Variants in FAM219A observed in about 807,000 individuals in gnomAD.
FAM219A encodes family with sequence similarity 219 member A, also known as protein FAM219A.
Under a neutral mutation model 23.4 loss-of-function variants are expected in FAM219A, and 7 were observed. That is an observed-to-expected ratio of 0.30 (90% CI 0.17 to 0.56). The LOEUF (loss-of-function observed/expected upper bound fraction) is 0.56, where lower values mean the gene tolerates loss of function less well. Among genes scored for constraint, FAM219A ranks in the 20% least tolerant of loss-of-function variants. The pLI is 0.92. For missense variants in FAM219A, 166 were observed against 246.9 expected (o/e 0.67, Z 2.20); for synonymous variants, 93 against 99.0 (o/e 0.94, Z 0.36).
intron 1 of FAM219A, among the ~76,000 whole-genome samples, chr9:34,440,638 C>G (rs1823132842): frequency 6.6e-6 from 1 of 151,878 alleles, no homozygotes; most frequent in South Asian, 2.1e-4. Context: ...ATCACGAGGT[C>G]AGGAGATCGA....
chr9:34,454,164 G>A (rs971972796), intron 1 of FAM219A, among the ~76,000 whole-genome samples: 1 of 152,236 alleles, frequency 6.6e-6, no homozygotes, highest in Admixed American at 6.5e-5. Context: ...GAGGCCAAGT[G>A]CGGTGGCTCA....
chr9:34,424,189 CA>C (rs1765548122), intron 1 of FAM219A, among the ~76,000 whole-genome samples: 1 of 151,992 alleles, frequency 6.6e-6, no homozygotes, highest in Non-Finnish European at 1.5e-5. Context: ...TCTTGTATGA[CA>C]AGAGAGACTG....
intron 1 of FAM219A, among the ~76,000 whole-genome samples, chr9:34,436,881 T>C (rs757632894): frequency 2.0e-5 from 3 of 152,200 alleles, no homozygotes; most frequent in Non-Finnish European, 4.4e-5. Flanking sequence ...GATGAAATAA[T>C]GTATATAGAA....
At position 34,426,074 on chromosome 9, in the gene FAM219A, T is replaced by C. The variant is rs530403029; in HGVS notation, c.61-20110A>G. The stretch of plus-strand genomic sequence containing the variant: ...AACCTTGTGGCTGTCAGAGGGTTAG[T>C]TATAAGGCCTTCACATCTGGGCTTC... On this transcript the variant is annotated intron_variant, in intron 1 of 5. Transcript: ENST00000651358. 3.3e-5 allele frequency among the ~76,000 whole-genome samples: 5 copies of C among 152,322 alleles called. No individual in the cohort carries two copies. The South Asian group carries it at 1.0e-3, about 32-fold the overall frequency.
chr9:34,454,813 G>A (rs939495688), intron 1 of FAM219A, among the ~76,000 whole-genome samples: 2 of 152,132 alleles, frequency 1.3e-5, no homozygotes, highest in African/African-American at 4.8e-5. Context: ...AAATAAAGAT[G>A]TGCTCCCCCT....
chr9:34,449,852 A>G lies in FAM219A; in HGVS notation c.60+8352T>C, dbSNP rs1309711239. ...TGGGCATTGTGATGGGATAGAGCAT[A>G]TAGTCTTTCCCAAAGAAATTTTTCT... On this transcript the variant is annotated intron_variant, in intron 1 of 5. Coordinates refer to ENST00000651358, the MANE Select transcript of FAM219A (RefSeq NM_001184940.2). Among the ~76,000 whole-genome samples the G allele has an allele frequency of 3.3e-5, 5 of 152,348 alleles. No homozygotes were observed. The East Asian group carries it at 9.6e-4, about 29-fold the overall frequency.
chr9:34,413,713 C>A (rs1821904649), intron 1 of FAM219A, among the ~76,000 whole-genome samples: 1 of 152,202 alleles, frequency 6.6e-6, no homozygotes, highest in Non-Finnish European at 1.5e-5. Context: ...TGCTGGAAGG[C>A]TACTTCTGGA....
intron 1 of FAM219A, among the ~76,000 whole-genome samples, chr9:34,456,926 C>T (rs1038620426): frequency 1.3e-5 from 2 of 152,190 alleles, no homozygotes; most frequent in Admixed American, 6.5e-5. Context: ...TGATGGGTCC[C>T]TGCCGAGGCC....
At chr9:34,418,870 G>C (rs1822137407) in intron 1 of FAM219A, among the ~76,000 whole-genome samples, 1 of 152,164 alleles carries the variant, frequency 6.6e-6, no homozygotes, top group South Asian at 2.1e-4. Context: ...AGGAGTTTGA[G>C]ACCAGCCTGG....
At chr9:34,456,341 T>C (rs904370164) in intron 1 of FAM219A, among the ~76,000 whole-genome samples, 1 of 151,960 alleles carries the variant, frequency 6.6e-6, no homozygotes, top group Admixed American at 6.5e-5. Flanking sequence ...AGCTCAAGAG[T>C]TCTCTACCCA....
At chr9:34,401,154 AGC>A in intron 5 of FAM219A, 32 bp from the exon 6 acceptor site, 1 of 1,606,452 alleles carries the variant, frequency 6.2e-7, no homozygotes, top group Non-Finnish European at 8.5e-7. Flanking sequence ...GTCAGGCCCG[AGC>A]GGCAGGGAGG....
Position 34,405,904 on chromosome 9 carries a change from C to A in FAM219A, c.121G>T (p.Ala41Ser). ...DCDAREGESVAMNYKPSPLQV... is the reference protein window; with the variant it reads ...DCDAREGESVSMNYKPSPLQV... ...AGCGGGGATGGTTTGTAATTCATGG[C>A]TACTGACTCACCCTCCCGGGCGTCA... Residue 41 changes from alanine to serine, a missense_variant, in exon 2 of 6, where the codon GCC (alanine) becomes TCC (serine). By Grantham distance (99) the Ala-to-Ser change is moderately conservative (BLOSUM62 1). Coordinates refer to ENST00000651358, the MANE Select transcript of FAM219A (RefSeq NM_001184940.2). The A allele has an allele frequency of 6.2e-7, 1 of 1,613,998 alleles. No homozygotes were observed. The highest frequency in any genetic ancestry group is 1.1e-5 in the South Asian group (1 of 91,074).
At position 34,458,148 on chromosome 9, in the gene FAM219A, T is replaced by A; in HGVS notation, c.60+56A>T. 1.4e-5 allele frequency: 16 copies of A among 1,178,314 alleles called. No individual in the cohort carries two copies. The highest frequency in any genetic ancestry group is 1.9e-5 in the Non-Finnish European group (16 of 853,860). The allele number at this position is 1,178,314 out of a possible 1,614,324, so 73.0% of individuals were successfully genotyped here. A position where few individuals can be genotyped will look rare whatever the true frequency, so the allele number is the denominator to read the frequency against. ...GATCCCCCCGGCCTGATTCCCTCCC[T>A]CCCCCTCAAGCGACGCCCCCTCCGG... is the stretch of plus-strand genomic sequence containing the variant. On this transcript the variant is annotated intron_variant, in intron 1 of 5. Transcript: ENST00000651358. This position sits in a 1 kb window ranked among gnomAD's most constrained non-coding sequence, Gnocchi z 6.6.
chr9:34,440,182 C>T (rs562430695), intron 1 of FAM219A, among the ~76,000 whole-genome samples: 1 of 152,180 alleles, frequency 6.6e-6, no homozygotes, highest in Non-Finnish European at 1.5e-5. Flanking sequence ...CTAGCTGTTG[C>T]ACAGCTGGTC....
intron 1 of FAM219A, among the ~76,000 whole-genome samples, chr9:34,444,475 A>G (rs1295096661): frequency 1.3e-5 from 2 of 152,216 alleles, no homozygotes; most frequent in Non-Finnish European, 2.9e-5. Context: ...CTCATTAAAT[A>G]TTAAAGCTTA....
chr9:34,436,509 G>A (rs1037995303), intron 1 of FAM219A, among the ~76,000 whole-genome samples: 1 of 152,208 alleles, frequency 6.6e-6, no homozygotes, highest in African/African-American at 2.4e-5. Flanking sequence ...GCCTCCCAAA[G>A]TGCTGGGATT....
intron 1 of FAM219A, among the ~76,000 whole-genome samples, chr9:34,437,199 C>T (rs58759051): frequency 6.6e-6 from 1 of 152,196 alleles, no homozygotes; most frequent in Admixed American, 6.5e-5. Context: ...TCTCAATTAT[C>T]TTGACTAGGA....
chr9:34,458,083 C>A lies in FAM219A; in HGVS notation c.60+121G>T. On this transcript the variant is annotated intron_variant, in intron 1 of 5. Transcript: ENST00000651358. This position sits in a 1 kb window ranked among gnomAD's most constrained non-coding sequence, Gnocchi z 6.6. ...TCCCCGTCCCCCGGCAATACGTTTT[C>A]AGGGATCTCTTTGCCCCATCCGATG... The A allele has an allele frequency of 1.1e-6, 1 of 906,612 alleles. No individual in the cohort carries two copies. The allele number at this position is 906,612 out of a possible 1,614,324, so 56.2% of individuals were successfully genotyped here.
chr9:34,457,821 C>A lies in FAM219A; in HGVS notation c.60+383G>T, dbSNP rs1279797185. On this transcript the variant is annotated intron_variant, in intron 1 of 5. Coordinates refer to ENST00000651358, the MANE Select transcript of FAM219A (RefSeq NM_001184940.2). This position sits in a 1 kb window ranked among gnomAD's most constrained non-coding sequence, Gnocchi z 5.1. ...GCTCCCCCGCCCTAAGCATCACAGG[C>A]CTCTAGGACTAAACGCCTCCCCACC... 6.6e-6 allele frequency among the ~76,000 whole-genome samples: 1 copy of A among 152,190 alleles called. No homozygotes were observed. The highest frequency in any genetic ancestry group is 2.4e-5 in the African/African-American group (1 of 41,446).
Sources: gnomAD v4.1 joint callset for allele counts (sites outside exome capture counted in the v4.1 genomes callset) on GRCh38, gnomAD v4.1.1 for gene constraint, Gnocchi (gnomAD v3.1) non-coding constraint, MANE v1.5 for transcripts, NCBI Gene and HGNC (gene_info 2026-07-23, HGNC 2026-07-21) for gene names.